PCDHGA1: variants seen among roughly 807,000 people sequenced by gnomAD.
PCDHGA1 encodes protocadherin gamma-A1.
Under a neutral mutation model 58.0 loss-of-function variants are expected in PCDHGA1, and 32 were observed. The ratio of observed to expected loss-of-function variants is 0.55; its 90% CI spans 0.42 to 0.74. PCDHGA1 has a LOEUF of 0.74. Ranked by LOEUF, PCDHGA1 falls within the 30% of genes least tolerant of loss-of-function variation. PCDHGA1 has a pLI of 0.00. For synonymous variants in PCDHGA1, 498 were observed against 501.1 expected, an observed-to-expected ratio of 0.99 and a Z score of 0.08; for missense variants, 1,205 against 1,182.3, an observed-to-expected ratio of 1.02 and a Z score of -0.28.
At chr5:141,418,718 A>G (rs1334115906) in intron 1 of PCDHGA1, 4 of 1,613,912 alleles carry the variant, frequency 2.5e-6, no homozygotes, top group Non-Finnish European at 3.4e-6. Flanking sequence ...TGTGGCTGAC[A>G]AAGCTCAGCA....
intron 1 of PCDHGA1, among the ~76,000 whole-genome samples, chr5:141,348,774 G>A (rs1758177041): frequency 6.6e-6 from 1 of 152,176 alleles, no homozygotes; most frequent in Admixed American, 6.5e-5. Flanking sequence ...ATGATGCAAG[G>A]AAACAAGTGA....
At chr5:141,333,731 T>A (rs542044428) in intron 1 of PCDHGA1, 1 of 154,670 alleles carries the variant, frequency 6.5e-6, no homozygotes, top group East Asian at 1.9e-4. Flanking sequence ...GATGGGGTCA[T>A]GCTAGAGTGC....
intron 1 of PCDHGA1, among the ~76,000 whole-genome samples, chr5:141,347,217 G>C (rs1757935730): frequency 7.7e-6 from 1 of 130,632 alleles, no homozygotes; most frequent in Non-Finnish European, 1.6e-5. Flanking sequence ...GCAGTGGCAT[G>C]ATCACGGCTC....
At position 141,486,238 on chromosome 5, in the gene PCDHGA1, G is replaced by C. The variant is rs1414434705; in HGVS notation, c.2422-8569G>C. 6.2e-7 allele frequency: 1 copy of C among 1,614,058 alleles called. No homozygotes were observed. The highest frequency in any genetic ancestry group is 8.5e-7 in the Non-Finnish European group (1 of 1,180,024). On this transcript the variant is annotated intron_variant, in intron 1 of 3. Coordinates refer to ENST00000517417, the MANE Select transcript of PCDHGA1 (RefSeq NM_018912.3). This position sits in a 1 kb window ranked among gnomAD's most constrained non-coding sequence, Gnocchi z 5.0. ...CCCCTTACATCACAGTGACCTCAGA[G>C]CTTGGAACCCTCCCCGAGAGTGCAG... is the stretch of plus-strand genomic sequence containing the variant.
At chr5:141,344,637 C>T in intron 1 of PCDHGA1, 2 of 1,613,842 alleles carry the variant, frequency 1.2e-6, no homozygotes, top group East Asian at 2.2e-5. Context: ...GGCCCTGGAC[C>T]GTGAGAAAAA....
intron 3 of PCDHGA1, among the ~76,000 whole-genome samples, chr5:141,506,879 G>T (rs958969109): frequency 6.6e-6 from 1 of 152,172 alleles, no homozygotes; most frequent in Non-Finnish European, 1.5e-5. Flanking sequence ...AGAACCAGGT[G>T]AAATCACAAG....
chr5:141,423,374 G>T (rs1356564295), intron 1 of PCDHGA1: 2 of 1,614,188 alleles, frequency 1.2e-6, no homozygotes, highest in Admixed American at 1.7e-5. Context: ...CTGGCACTCA[G>T]GCTGTGGCGC....
In PCDHGA1 at chr5:141,432,645, C is replaced by A. The variant is rs758701539; in HGVS notation, c.2422-62162C>A. ...CTGCACACGGGCGAGGTGCGCACGG[C>A]GCGAGCCCTGCTGGACAGAGACGCG... On this transcript the variant is annotated intron_variant, in intron 1 of 3. Coordinates refer to ENST00000517417, the MANE Select transcript of PCDHGA1 (RefSeq NM_018912.3). This position sits in a 1 kb window ranked among gnomAD's most constrained non-coding sequence, Gnocchi z 6.0. The A allele has an allele frequency of 1.2e-5, 20 of 1,613,628 alleles. No individual in the cohort carries two copies. The highest frequency in any genetic ancestry group is 1.6e-4 in the Middle Eastern group (1 of 6,066).
At chr5:141,475,553 TTGTC>T (rs2099365287) in intron 1 of PCDHGA1, among the ~76,000 whole-genome samples, 2 of 152,260 alleles carry the variant, frequency 1.3e-5, no homozygotes, top group Non-Finnish European at 2.9e-5. Context: ...GTCCGGCTAA[TTGTC>T]TGTCTTCCAA....
intron 1 of PCDHGA1, chr5:141,408,760 C>T: frequency 6.2e-7 from 1 of 1,610,404 alleles, no homozygotes. Flanking sequence ...GAGTTAATTC[C>T]GATGGTGGCA....
intron 1 of PCDHGA1, chr5:141,339,155 C>T (rs1473348277): frequency 6.2e-7 from 1 of 1,614,176 alleles, no homozygotes; most frequent in Admixed American, 1.7e-5. Flanking sequence ...ACTGGCAGAG[C>T]AGGGAGTCCG....
intron 1 of PCDHGA1, chr5:141,340,632 A>G: frequency 6.2e-7 from 1 of 1,614,082 alleles, no homozygotes; most frequent in South Asian, 1.1e-5. Context: ...TTCGTGCTGG[A>G]CCAGAACGAC....
At chr5:141,339,855 A>G (rs1178068050) in intron 1 of PCDHGA1, 2 of 1,614,072 alleles carry the variant, frequency 1.2e-6, no homozygotes, top group Admixed American at 3.3e-5. Flanking sequence ...TTTGAGCTTA[A>G]GTCAACATCT....
chr5:141,489,732 C>CA lies in PCDHGA1; in HGVS notation c.2422-5073dup, dbSNP rs770971020. On this transcript the variant is annotated intron_variant, in intron 1 of 3. Transcript: ENST00000517417. This position sits in a 1 kb window ranked among gnomAD's most constrained non-coding sequence, Gnocchi z 4.5. ...GTGCCCAGGATCCGGATGTGGGCAC[C>CA]AATACTGTGAGCTTTTACACTCTAA... 4.3e-6 allele frequency: 7 copies of CA among 1,614,008 alleles called. No individual in the cohort carries two copies. Among genetic ancestry groups the CA allele is most frequent in the Non-Finnish European group, 5.9e-6 (7 of 1,180,002 alleles).
At chr5:141,455,160 GT>G (rs59530096) in intron 1 of PCDHGA1, among the ~76,000 whole-genome samples, 102 of 149,212 alleles carry the variant, frequency 6.8e-4, no homozygotes, top group East Asian at 7.9e-4. Flanking sequence ...TAGTTTGTTG[GT>G]TTTTTTTTTA....
intron 1 of PCDHGA1, chr5:141,340,460 CA>C (rs1756946488): frequency 1.2e-6 from 2 of 1,614,238 alleles, no homozygotes; most frequent in Middle Eastern, 1.6e-4. Flanking sequence ...GGACACTGTT[CA>C]GGGGGCACCC....
At chr5:141,421,296 G>C in intron 1 of PCDHGA1, 1 of 1,613,444 alleles carries the variant, frequency 6.2e-7, no homozygotes, top group Non-Finnish European at 8.5e-7. Context: ...TCCTGGGGAC[G>C]CTGCGGGGGT....
intron 1 of PCDHGA1, among the ~76,000 whole-genome samples, chr5:141,430,159 A>G (rs1324343997): frequency 6.6e-6 from 1 of 152,176 alleles, no homozygotes; most frequent in Non-Finnish European, 1.5e-5. Context: ...CAAGGAATCT[A>G]TTTAAAAATA....
intron 1 of PCDHGA1, chr5:141,416,038 G>T: frequency 5.1e-6 from 1 of 196,894 alleles, no homozygotes; most frequent in Non-Finnish European, 1.0e-5. Flanking sequence ...AATCACCTCT[G>T]GAAACACAAC....
Sources: gnomAD v4.1 joint callset for allele counts (sites outside exome capture counted in the v4.1 genomes callset) on GRCh38, gnomAD v4.1.1 for gene constraint, Gnocchi (gnomAD v3.1) non-coding constraint, MANE v1.5 for transcripts, NCBI Gene and HGNC (gene_info 2026-07-23, HGNC 2026-07-21) for gene names.